Variants in CDKN2B-AS1 observed in about 807,000 individuals in gnomAD.
CDKN2B-AS1 encodes the protein CDKN2B and CDKN2A antisense cis and trans regulatory RNA 1, also known as CDKN2B antisense RNA 1 (non-protein coding).
chr9:22,122,531 C>A (rs10965237), intron 4 of CDKN2B-AS1, among the ~76,000 whole-genome samples: 1 of 152,168 alleles, frequency 6.6e-6, no homozygotes, highest in East Asian at 1.9e-4. Flanking sequence ...TTTTTCATGT[C>A]TTACATTTAG....
intron 4 of CDKN2B-AS1, among the ~76,000 whole-genome samples, chr9:22,081,191 T>C (rs2095336053): frequency 6.6e-6 from 1 of 152,108 alleles, no homozygotes; most frequent in Non-Finnish European, 1.5e-5. Flanking sequence ...CATTTTGTCA[T>C]ACAAGTTTTT....
rs571957900 is a variant in CDKN2B-AS1, at chr9:22,078,044, T to C, written n.438+21657T>C. Among the ~76,000 whole-genome samples the C allele has an allele frequency of 7.4e-4, 113 of 152,306 alleles. 2 individuals are homozygous for C. The highest frequency in any genetic ancestry group is 1.2e-3 in the South Asian group (6 of 4,830). ...TTTTACTATCTCCAAGCCCTGAAAC[T>C]TTTTTTCTCCCTCAAACATGACTTC... On this transcript the variant is annotated intron_variant and non_coding_transcript_variant, in intron 4 of 4. Coordinates refer to ENST00000650946, the Ensembl canonical transcript of CDKN2B-AS1.
intron 1 of CDKN2B-AS1, among the ~76,000 whole-genome samples, chr9:22,002,019 TTG>T (rs1820941334): frequency 6.6e-6 from 1 of 152,096 alleles, no homozygotes; most frequent in Non-Finnish European, 1.5e-5. Context: ...AAAATTAAAA[TTG>T]TCTTATTTTC....
intron 4 of CDKN2B-AS1, among the ~76,000 whole-genome samples, chr9:22,071,056 G>T (rs915230996): frequency 6.6e-6 from 1 of 151,926 alleles, no homozygotes; most frequent in Non-Finnish European, 1.5e-5. Flanking sequence ...CATCTGAAAC[G>T]TCTATTTCTG....
At chr9:22,011,325 A>G (rs776751538) in intron 1 of CDKN2B-AS1, among the ~76,000 whole-genome samples, 2 of 152,258 alleles carry the variant, frequency 1.3e-5, no homozygotes. Context: ...AAAGAATATT[A>G]TATAGTCTAT....
chr9:22,068,814 G>A (rs1479410769), intron 4 of CDKN2B-AS1, among the ~76,000 whole-genome samples: 4 of 152,168 alleles, frequency 2.6e-5, no homozygotes, highest in Non-Finnish European at 5.9e-5. Context: ...TTGGTCTTAA[G>A]TAAGACTGAC....
At chr9:22,075,724 G>T (rs1485044193) in intron 4 of CDKN2B-AS1, among the ~76,000 whole-genome samples, 5 of 152,166 alleles carry the variant, frequency 3.3e-5, no homozygotes. Context: ...GTGATCAGTT[G>T]CATTTATGGG....
intron 1 of CDKN2B-AS1, among the ~76,000 whole-genome samples, chr9:22,035,518 T>C (rs1251422093): frequency 6.6e-6 from 1 of 152,160 alleles, no homozygotes; most frequent in Non-Finnish European, 1.5e-5. Context: ...GAATTCAGAC[T>C]AGCCCTGGTG....
In CDKN2B-AS1 at chr9:21,995,586, C is replaced by G. The variant is rs892361174; in HGVS notation, n.29+425C>G. ...ATCACCGATCCTTTCTGGACTCTCT[C>G]CCTTCCTCCTTTCCAGCTGGGAGAC... On this transcript the variant is annotated intron_variant and non_coding_transcript_variant, in intron 1 of 4. Coordinates refer to ENST00000650946, the Ensembl canonical transcript of CDKN2B-AS1. The surrounding 1 kb of genome is among the most constrained non-coding windows in gnomAD (Gnocchi z 5.7). 6.6e-6 allele frequency: 1 copy of G among 152,624 alleles called. No homozygotes were observed. Among genetic ancestry groups the G allele is most frequent in the Non-Finnish European group, 1.5e-5 (1 of 68,274 alleles). 9.5% of individuals were successfully genotyped at this position (152,624 alleles called of 1,614,324 possible).
chr9:22,012,554 G>T, intron 1 of CDKN2B-AS1: 1 of 559,002 alleles, frequency 1.8e-6, no homozygotes, highest in South Asian at 1.5e-5. Context: ...TTCCTTCCTC[G>T]GAGGGCAGCC....
At chr9:22,097,409 T>C (rs2131350500) in intron 4 of CDKN2B-AS1, 1 of 152,268 alleles carries the variant, frequency 6.6e-6, no homozygotes, top group Middle Eastern at 3.4e-3. Flanking sequence ...AAGAGCAACT[T>C]GGGCCATAAT....
chr9:22,117,633 G>T (rs1158245146), intron 4 of CDKN2B-AS1: 1 of 152,270 alleles, frequency 6.6e-6, no homozygotes, highest in Non-Finnish European at 1.5e-5. Context: ...ATCCCCTGCT[G>T]AGGTCCGCAC....
At chr9:22,029,575 T>C in intron 1 of CDKN2B-AS1, 1 of 776,698 alleles carries the variant, frequency 1.3e-6, no homozygotes, top group South Asian at 1.3e-5. Context: ...TATGTGCCAC[T>C]GAGGCCCACA....
chr9:22,009,480 CTG>C (rs1821390109), intron 1 of CDKN2B-AS1: 1 of 254,124 alleles, frequency 3.9e-6, no homozygotes, highest in African/African-American at 2.2e-5. Flanking sequence ...GCGCCAGAGA[CTG>C]GGCCAGGGAG....
chr9:22,020,614 AT>A (rs1821975868), intron 1 of CDKN2B-AS1, among the ~76,000 whole-genome samples: 1 of 152,028 alleles, frequency 6.6e-6, no homozygotes, highest in Non-Finnish European at 1.5e-5. Flanking sequence ...TTTGATTTGC[AT>A]TTTTCTAATG....
At chr9:22,038,998 G>T (rs941815634) in intron 1 of CDKN2B-AS1, among the ~76,000 whole-genome samples, 5 of 151,914 alleles carry the variant, frequency 3.3e-5, no homozygotes, top group African/African-American at 9.7e-5. Context: ...AAAATTTCCA[G>T]TTAGGACATG....
rs1820662838 is a variant in CDKN2B-AS1 at position 21,996,089 on chromosome 9, C to G, written n.29+928C>G. ...CCTTACAGATCAGACGTCAAGCCCC[C>G]CAGACCTTACAGGGGAGGAAAGTGA... On this transcript the variant is annotated intron_variant and non_coding_transcript_variant, in intron 1 of 4. Transcript: ENST00000650946. The surrounding 1 kb of genome is among the most constrained non-coding windows in gnomAD (Gnocchi z 5.4). 1 of 152,360 alleles carries G rather than the reference C, an allele frequency of 6.6e-6. No homozygotes were observed. Among genetic ancestry groups the G allele is most frequent in the Non-Finnish European group, 1.5e-5 (1 of 68,176 alleles). 9.4% of individuals were successfully genotyped at this position (152,360 alleles called of 1,614,324 possible). A position where few individuals can be genotyped will look rare whatever the true frequency, so the allele number is the denominator to read the frequency against.
chr9:22,107,021 A>C (rs531379303), intron 4 of CDKN2B-AS1, among the ~76,000 whole-genome samples: 1 of 152,218 alleles, frequency 6.6e-6, no homozygotes, highest in Non-Finnish European at 1.5e-5. Context: ...CATGGTAAAG[A>C]CTATCAGATG....
chr9:22,015,106 A>G (rs897893498), intron 1 of CDKN2B-AS1, among the ~76,000 whole-genome samples: 2 of 151,888 alleles, frequency 1.3e-5, no homozygotes, highest in East Asian at 1.9e-4. Context: ...ATGATTTATA[A>G]TCCTTTGGGT....
Sources: gnomAD v4.1 joint callset for allele counts (sites outside exome capture counted in the v4.1 genomes callset) on GRCh38, gnomAD v4.1.1 for gene constraint, Gnocchi (gnomAD v3.1) non-coding constraint, MANE v1.5 for transcripts, NCBI Gene and HGNC (gene_info 2026-07-23, HGNC 2026-07-21) for gene names.